NUP93: variants seen among roughly 807,000 people sequenced by gnomAD.
NUP93 encodes nucleoporin 93.
NUP93 carries 55 observed loss-of-function variants against 107.8 expected under a neutral mutation model. The ratio of observed to expected loss-of-function variants is 0.51; its 90% CI spans 0.41 to 0.64. NUP93 has a LOEUF of 0.64. Ranked by LOEUF, NUP93 falls within the 30% of genes least tolerant of loss-of-function variation. The pLI, the probability that NUP93 is intolerant of heterozygous loss-of-function variation, is 0.00. For synonymous variants in NUP93, 390 were observed against 397.5 expected, an observed-to-expected ratio of 0.98 and a Z score of 0.22; for missense variants, 937 against 1,044.7, an observed-to-expected ratio of 0.90 and a Z score of 1.42.
At chr16:56,804,005 G>A (rs1414760093) in intron 4 of NUP93, among the ~76,000 whole-genome samples, 3 of 152,070 alleles carry the variant, frequency 2.0e-5, no homozygotes, top group Non-Finnish European at 4.4e-5. Context: ...GCCTGCTTCA[G>A]CCTCCCAAAA....
rs1964102866 is a variant in NUP93, at chr16:56,845,279, G to C, written c.*670G>C. On this transcript the variant is annotated 3_prime_UTR_variant, in exon 22 of 22. Transcript: ENST00000308159. ...GTGCCCCCAGCTTGCACTTGAGGAA[G>C]GGGTAAACCTTGCCACTGCACTCCT... 6.5e-6 allele frequency: 1 copy of C among 153,634 alleles called. No individual in the cohort carries two copies. The highest frequency in any genetic ancestry group is 6.5e-5 in the Admixed American group (1 of 15,308). 9.5% of individuals were successfully genotyped at this position (153,634 alleles called of 1,614,324 possible).
At chr16:56,736,903 G>T (rs186986326) in intron 1 of NUP93, among the ~76,000 whole-genome samples, 1 of 152,264 alleles carries the variant, frequency 6.6e-6, no homozygotes, top group Admixed American at 6.5e-5. Context: ...CCCTGACAAG[G>T]GAATCAAATG....
At chr16:56,778,739 T>G (rs1962461172) in intron 3 of NUP93, among the ~76,000 whole-genome samples, 1 of 152,124 alleles carries the variant, frequency 6.6e-6, no homozygotes, top group African/African-American at 2.4e-5. Flanking sequence ...GAGTTGAGAT[T>G]TCATTTCCGT....
At chr16:56,824,074 G>A (rs1963606876) in intron 8 of NUP93, among the ~76,000 whole-genome samples, 1 of 152,138 alleles carries the variant, frequency 6.6e-6, no homozygotes, top group Non-Finnish European at 1.5e-5. Context: ...AAAAATCATG[G>A]TAAATGAGCA....
intron 4 of NUP93, among the ~76,000 whole-genome samples, chr16:56,804,252 T>C (rs901858071): frequency 2.0e-5 from 3 of 152,176 alleles, no homozygotes; most frequent in East Asian, 3.8e-4. Flanking sequence ...GCAGGGATAT[T>C]TGTACACCCA....
chr16:56,834,879 C>A, intron 16 of NUP93, 101 bp downstream of exon 16: 1 of 945,698 alleles, frequency 1.1e-6, no homozygotes, highest in Non-Finnish European at 1.6e-6. Flanking sequence ...ACTAAAGATG[C>A]AAATCTGAAC....
At chr16:56,812,678 G>A (rs1963342143) in intron 5 of NUP93, among the ~76,000 whole-genome samples, 1 of 152,106 alleles carries the variant, frequency 6.6e-6, no homozygotes, top group Non-Finnish European at 1.5e-5. Context: ...TGATGCTTCA[G>A]TAGCATAGAG....
At chr16:56,775,484 G>A (rs1962399576) in intron 3 of NUP93, among the ~76,000 whole-genome samples, 1 of 152,126 alleles carries the variant, frequency 6.6e-6, no homozygotes, top group African/African-American at 2.4e-5. Flanking sequence ...TTTTCCTGAG[G>A]GAAACTGGCT....
At chr16:56,781,400 G>C (rs1209034458) in intron 3 of NUP93, among the ~76,000 whole-genome samples, 1 of 152,132 alleles carries the variant, frequency 6.6e-6, no homozygotes, top group Non-Finnish European at 1.5e-5. Flanking sequence ...CAATTGACAA[G>C]GGCACAATGA....
At chr16:56,747,099 A>C (rs1961833482) in intron 1 of NUP93, among the ~76,000 whole-genome samples, 1 of 151,850 alleles carries the variant, frequency 6.6e-6, no homozygotes. Context: ...CCCAGGTTCA[A>C]GTGATTCTCC....
intron 3 of NUP93, among the ~76,000 whole-genome samples, chr16:56,772,167 G>A (rs78895964): frequency 0.042 from 6,422 of 152,178 alleles, 200 homozygotes; most frequent in East Asian, 0.076. Flanking sequence ...GGAGTGTACC[G>A]GATGCCTCAG....
intron 5 of NUP93, among the ~76,000 whole-genome samples, chr16:56,814,179 T>A (rs530609674): frequency 1.3e-5 from 2 of 152,200 alleles, no homozygotes; most frequent in Non-Finnish European, 2.9e-5. Flanking sequence ...GCATTCCTTT[T>A]TTTTCTTTTT....
intron 5 of NUP93, among the ~76,000 whole-genome samples, chr16:56,808,616 T>A (rs1228091443): frequency 3.2e-5 from 4 of 124,922 alleles, no homozygotes; most frequent in East Asian, 2.2e-4. Context: ...ATATAAATAT[T>A]TATAAATATA....
chr16:56,847,469 G>C lies in NUP93; in HGVS notation c.*2860G>C, dbSNP rs1016661320. ...TCTTGTCTTCCAGATGTGAGATTTC[G>C]ATCTTTCTAATGAAATTGGGGGCAC... is the stretch of plus-strand genomic sequence containing the variant. On this transcript the variant is annotated 3_prime_UTR_variant, in exon 22 of 22. Coordinates refer to ENST00000308159, the MANE Select transcript of NUP93 (RefSeq NM_014669.5). 6.6e-6 allele frequency: 1 copy of C among 152,164 alleles called. No homozygotes were observed. The highest frequency in any genetic ancestry group is 1.5e-5 in the Non-Finnish European group (1 of 68,040). 9.4% of individuals were successfully genotyped at this position (152,164 alleles called of 1,614,324 possible).
At chr16:56,799,482 G>A (rs1445728977) in intron 4 of NUP93, among the ~76,000 whole-genome samples, 1 of 152,170 alleles carries the variant, frequency 6.6e-6, no homozygotes, top group Non-Finnish European at 1.5e-5. Flanking sequence ...TATAGTGAAA[G>A]AGATTTTTGG....
At chr16:56,802,514 A>G (rs554576627) in intron 4 of NUP93, among the ~76,000 whole-genome samples, 5 of 152,238 alleles carry the variant, frequency 3.3e-5, no homozygotes, top group South Asian at 2.1e-4. Flanking sequence ...TGTAATTATC[A>G]TTTCTCCTGT....
At chr16:56,731,074 A>C (rs1179481193) in intron 1 of NUP93, among the ~76,000 whole-genome samples, 3 of 151,176 alleles carry the variant, frequency 2.0e-5, no homozygotes, top group Non-Finnish European at 4.4e-5. Context: ...TCCTTTGTGC[A>C]TTTGTGTTTG....
intron 3 of NUP93, among the ~76,000 whole-genome samples, chr16:56,770,205 A>T (rs939636566): frequency 1.3e-5 from 2 of 152,196 alleles, no homozygotes; most frequent in Admixed American, 6.5e-5. Context: ...ATGCAAGAGT[A>T]GGTGACAATT....
rs76387873 is a variant in NUP93, at chr16:56,795,417, T to A, written c.298-3059T>A. ...GCCATTGTTTTGTGTCTGGGTCCCCTGTGATAGCCAAAAGCAGGTAGGTGG... is the reference window on the plus strand; with the variant it reads ...GCCATTGTTTTGTGTCTGGGTCCCCAGTGATAGCCAAAAGCAGGTAGGTGG... On this transcript the variant is annotated intron_variant, in intron 3 of 21. Transcript: ENST00000308159. Among the ~76,000 whole-genome samples, 41 of 152,270 alleles carry A rather than the reference T, an allele frequency of 2.7e-4. No homozygotes were observed. The East Asian group carries it at 7.9e-3, about 29-fold the overall frequency.
Sources: gnomAD v4.1 joint callset for allele counts (sites outside exome capture counted in the v4.1 genomes callset) on GRCh38, gnomAD v4.1.1 for gene constraint, MANE v1.5 for transcripts, NCBI Gene and HGNC (gene_info 2026-07-23, HGNC 2026-07-21) for gene names.